Variants in PRKCE observed in about 807,000 individuals in gnomAD.
The protein encoded by PRKCE is protein kinase C epsilon.
Under a neutral mutation model 85.4 loss-of-function variants are expected in PRKCE, and 16 were observed. That is an observed-to-expected ratio of 0.19 (90% CI 0.13 to 0.28). The LOEUF is 0.28. Ranked by LOEUF, PRKCE falls within the 10% of genes least tolerant of loss-of-function variation. PRKCE has a pLI of 1.00. For missense variants in PRKCE, 573 were observed against 975.2 expected, an observed-to-expected ratio of 0.59 and a Z score of 5.49; for synonymous variants, 388 against 371.5, an observed-to-expected ratio of 1.04 and a Z score of -0.51.
intron 2 of PRKCE, among the ~76,000 whole-genome samples, chr2:45,949,255 C>T (rs895689922): frequency 6.6e-6 from 1 of 152,196 alleles, no homozygotes; most frequent in African/African-American, 2.4e-5. Context: ...GCTTTACATC[C>T]TTACTAACCC....
intron 11 of PRKCE, among the ~76,000 whole-genome samples, chr2:46,093,871 G>T (rs1670425274): frequency 6.6e-6 from 1 of 152,046 alleles, no homozygotes; most frequent in Admixed American, 6.5e-5. Context: ...TTGGTTAAAT[G>T]AATATATAGT....
intron 1 of PRKCE, among the ~76,000 whole-genome samples, chr2:45,763,362 A>G: frequency 6.6e-6 from 1 of 152,226 alleles, no homozygotes. Context: ...AGTAAAAAAC[A>G]GCAGAGACCT....
At chr2:45,851,825 A>G (rs7581914) in intron 2 of PRKCE, 52,746 of 152,078 alleles carry the variant, frequency 0.35, 10,062 homozygotes, top group East Asian at 0.53. Flanking sequence ...ATTGCTTGAT[A>G]GACACCTCTA....
chr2:46,044,657 T>C (rs1370110243), intron 10 of PRKCE, among the ~76,000 whole-genome samples: 1 of 152,212 alleles, frequency 6.6e-6, no homozygotes, highest in Non-Finnish European at 1.5e-5. Flanking sequence ...CCTGGAATGC[T>C]CAATAGCTCC....
At chr2:46,141,013 G>T (rs564596997) in intron 11 of PRKCE, among the ~76,000 whole-genome samples, 1 of 152,002 alleles carries the variant, frequency 6.6e-6, no homozygotes, top group Admixed American at 6.5e-5. Flanking sequence ...GAAAGATATC[G>T]GAAGCAGGCA....
At chr2:45,873,572 G>A (rs184727933) in intron 2 of PRKCE, among the ~76,000 whole-genome samples, 6 of 152,170 alleles carry the variant, frequency 3.9e-5, no homozygotes, top group African/African-American at 1.2e-4. Context: ...CTTGTTAGAC[G>A]TAAGTGTAGA....
intron 2 of PRKCE, among the ~76,000 whole-genome samples, chr2:45,930,654 C>A (rs1029154041): frequency 1.3e-5 from 2 of 152,320 alleles, no homozygotes; most frequent in Non-Finnish European, 2.9e-5. Context: ...GAACAGAGCA[C>A]CATCGCTTGC....
chr2:46,170,014 C>G (rs1678734391), intron 14 of PRKCE, among the ~76,000 whole-genome samples: 1 of 152,180 alleles, frequency 6.6e-6, no homozygotes. Flanking sequence ...AGATTTCTTC[C>G]AGCCCCAGCC....
chr2:46,178,889 A>G (rs567364280), intron 14 of PRKCE, among the ~76,000 whole-genome samples: 9 of 152,302 alleles, frequency 5.9e-5, no homozygotes, highest in Non-Finnish European at 8.8e-5. Context: ...AGACAGTGCC[A>G]TAGGAGCCGG....
At chr2:45,925,651 A>G (rs932107954) in intron 2 of PRKCE, among the ~76,000 whole-genome samples, 3 of 152,242 alleles carry the variant, frequency 2.0e-5, no homozygotes, top group African/African-American at 7.2e-5. Flanking sequence ...CTGTGTACCT[A>G]GGATACATCC....
At chr2:45,763,740 C>G (rs750652070) in intron 1 of PRKCE, among the ~76,000 whole-genome samples, 1 of 152,052 alleles carries the variant, frequency 6.6e-6, no homozygotes, top group Non-Finnish European at 1.5e-5. Context: ...CCCAAGGGAT[C>G]ATGTAGTTTA....
chr2:45,823,642 A>G (rs1689713858), intron 1 of PRKCE, among the ~76,000 whole-genome samples: 1 of 152,136 alleles, frequency 6.6e-6, no homozygotes, highest in Non-Finnish European at 1.5e-5. Context: ...GGCACTCCCA[A>G]CTTCTTGGTT....
At chr2:45,663,456 T>C (rs1343879203) in intron 1 of PRKCE, among the ~76,000 whole-genome samples, 3 of 152,106 alleles carry the variant, frequency 2.0e-5, no homozygotes, top group African/African-American at 4.8e-5. Context: ...AAATGGGATC[T>C]AAATAGACAG....
intron 1 of PRKCE, among the ~76,000 whole-genome samples, chr2:45,775,294 G>A (rs1482508229): frequency 1.3e-5 from 2 of 152,092 alleles, no homozygotes; most frequent in East Asian, 3.9e-4. Context: ...CTCCGTGAGT[G>A]TGCCCCGTGT....
intron 2 of PRKCE, among the ~76,000 whole-genome samples, chr2:45,873,924 T>G (rs964651421): frequency 4.6e-5 from 7 of 152,250 alleles, no homozygotes; most frequent in Non-Finnish European, 7.3e-5. Flanking sequence ...TGGTTTCACT[T>G]AGGCACTGAG....
intron 1 of PRKCE, among the ~76,000 whole-genome samples, chr2:45,792,259 C>G (rs976623893): frequency 1.3e-5 from 2 of 152,138 alleles, no homozygotes; most frequent in Non-Finnish European, 2.9e-5. Context: ...CTCCCCAGAG[C>G]AAGAACTCAC....
At chr2:45,692,970 G>A (rs1677858146) in intron 1 of PRKCE, among the ~76,000 whole-genome samples, 1 of 152,194 alleles carries the variant, frequency 6.6e-6, no homozygotes. Flanking sequence ...GATGCTTCTG[G>A]TAACAATGTG....
Position 45,918,174 on chromosome 2 carries a change from C to T in PRKCE, c.413-58255C>T, listed in dbSNP as rs528020082. Among the ~76,000 whole-genome samples, 281 of 152,312 alleles carry T rather than the reference C, an allele frequency of 1.8e-3. 2 individuals carry two copies. Among genetic ancestry groups the T allele is most frequent in the Non-Finnish European group, 2.3e-3 (158 of 68,020 alleles). On this transcript the variant is annotated intron_variant, in intron 2 of 14. Coordinates refer to ENST00000306156, the MANE Select transcript of PRKCE (RefSeq NM_005400.3). Reference sequence around the variant, plus strand: ...CTCAAATGCCGCCAGAGTGGGAGCCCAGGCAGAGGAGGCACCGAGAGCGAG... The same window carrying T: ...CTCAAATGCCGCCAGAGTGGGAGCCTAGGCAGAGGAGGCACCGAGAGCGAG...
intron 11 of PRKCE, among the ~76,000 whole-genome samples, chr2:46,118,493 G>C (rs1434955378): frequency 1.3e-5 from 2 of 152,172 alleles, no homozygotes; most frequent in African/African-American, 4.8e-5. Context: ...TCAGAAGCAA[G>C]GTGTTAAATA....
Sources: gnomAD v4.1 joint callset for allele counts (sites outside exome capture counted in the v4.1 genomes callset) on GRCh38, gnomAD v4.1.1 for gene constraint, MANE v1.5 for transcripts, NCBI Gene and HGNC (gene_info 2026-07-23, HGNC 2026-07-21) for gene names.